Variants in ZNF43 observed in about 807,000 individuals in gnomAD.
ZNF43 encodes the protein zinc finger protein 39-like 1 (KOX 27).
In ZNF43, 44 loss-of-function variants were observed where a neutral mutation model predicts 68.4. That is an observed-to-expected ratio of 0.64 (90% CI 0.51 to 0.83). The LOEUF (loss-of-function observed/expected upper bound fraction) is 0.83, where lower values mean the gene tolerates loss of function less well. Among genes scored for constraint, ZNF43 ranks in the 40% least tolerant of loss-of-function variants. The probability of loss-of-function intolerance (pLI) is 0.00; values close to 1 mark genes in which losing one functional copy is unlikely to be tolerated. For missense variants in ZNF43, 896 were observed against 933.2 expected, an observed-to-expected ratio of 0.96 and a Z score of 0.52; for synonymous variants, 308 against 307.8, an observed-to-expected ratio of 1.00 and a Z score of -0.01.
At chr19:21,837,691 G>A (rs902142671), upstream of ZNF43, among the ~76,000 whole-genome samples, 15 of 151,916 alleles carry the variant, frequency 9.9e-5, no homozygotes, top group African/African-American at 3.6e-4. Flanking sequence ...TAGAGACAGG[G>A]TTTCACCCTG....
At chr19:21,851,321 AGTT>A (rs1968337627) in intron 1 of ZNF43, 1 of 152,058 alleles carries the variant, frequency 6.6e-6, no homozygotes, top group South Asian at 2.1e-4. Flanking sequence ...TGAGGTCTGG[AGTT>A]CGAGATCAGC....
At chr19:21,835,355 GT>G (rs554756455) in intron 1 of ZNF43, among the ~76,000 whole-genome samples, 8,332 of 119,542 alleles carry the variant, frequency 0.07, 796 homozygotes, top group African/African-American at 0.25. Flanking sequence ...ATCTAGTTTA[GT>G]TTTTTTTTTT....
intron 1 of ZNF43, chr19:21,843,324 C>T (rs1207754874): frequency 1.0e-6 from 1 of 979,984 alleles, no homozygotes; most frequent in African/African-American, 1.8e-5. Flanking sequence ...GTCACAATCA[C>T]ACCTGCAGAA....
chr19:21,807,301 T>G lies in ZNF43; in HGVS notation c.*306A>C. On this transcript the variant is annotated 3_prime_UTR_variant, in exon 4 of 4. Coordinates refer to ENST00000354959, the MANE Select transcript of ZNF43 (RefSeq NM_003423.4). ...TCTTCTTCACTTTAAAGGCTTTTAT[T>G]TTCTGAAAGATCTTTTGACACTAGT... The G allele has an allele frequency of 4.9e-6, 1 of 202,584 alleles. No homozygotes were observed. Among genetic ancestry groups the G allele is most frequent in the Non-Finnish European group, 9.9e-6 (1 of 100,908 alleles). The allele number at this position is 202,584 out of a possible 1,614,324, so 12.5% of individuals were successfully genotyped here. A position where few individuals can be genotyped will look rare whatever the true frequency, so the allele number is the denominator to read the frequency against.
rs74174043 is a variant in ZNF43 at position 21,821,138 on chromosome 19, ATTTTTTTTTTTTTTTTT to A, written c.4-1934_4-1918del. On this transcript the variant is annotated intron_variant, in intron 1 of 3. Transcript: ENST00000354959. ...GCATGAGCCACCACACCCGGCTGTA[ATTTTTTTTTTTTTTTTT>A]TTTTTTTAAGATGGAGTCTCGCTCA... is the stretch of plus-strand genomic sequence containing the variant. 5.9e-5 allele frequency among the ~76,000 whole-genome samples: 7 copies of A among 118,560 alleles called. No individual in the cohort carries two copies. The South Asian group carries it at 7.8e-4, about 13-fold the overall frequency. 77.8% of individuals were successfully genotyped at this position (118,560 alleles called of 152,430 possible).
At chr19:21,816,372 A>C (rs2037529649) in intron 3 of ZNF43, among the ~76,000 whole-genome samples, 2 of 152,160 alleles carry the variant, frequency 1.3e-5, no homozygotes, top group Non-Finnish European at 2.9e-5. Flanking sequence ...AGATCCAGGC[A>C]GGCAGTTGTA....
At chr19:21,828,654 T>C (rs533897707) in intron 1 of ZNF43, among the ~76,000 whole-genome samples, 2 of 150,600 alleles carry the variant, frequency 1.3e-5, no homozygotes, top group African/African-American at 2.4e-5. Flanking sequence ...TAGGCGGAGG[T>C]TGCAGTAAGC....
rs58951070 is a variant in ZNF43 at position 21,815,486 on chromosome 19, C to CATATATATATATATATATATATATAT, written c.229+2401_229+2402insATATATATATATATATATATATATAT. On this transcript the variant is annotated intron_variant, in intron 3 of 3. Transcript: ENST00000354959. ...AAAGAATAGCCTTACAACTAAATTA[C>CATATATATATATATATATATATATAT]ATATATATATATATATATATATTTT... Among the ~76,000 whole-genome samples the CATATATATATATATATATATATATAT allele has an allele frequency of 4.2e-3, 586 of 139,290 alleles. 8 individuals carry two copies. The highest frequency in any genetic ancestry group is 0.017 in the East Asian group (80 of 4,618). 91.4% of individuals were successfully genotyped at this position (139,290 alleles called of 152,430 possible).
At chr19:21,818,986 A>G in intron 2 of ZNF43, 109 bp downstream of exon 2, 1 of 1,440,298 alleles carries the variant, frequency 6.9e-7, no homozygotes, top group Non-Finnish European at 9.3e-7. Flanking sequence ...GAAAACAGGA[A>G]TCTGAAACTC....
chr19:21,827,279 T>C (rs542707921), intron 1 of ZNF43: 27 of 152,274 alleles, frequency 1.8e-4, no homozygotes, highest in African/African-American at 6.0e-4. Flanking sequence ...CATGCACCTT[T>C]TGATGAAGAA....
chr19:21,836,345 T>TGAC (rs1409369508), upstream of ZNF43: 6 of 1,030,064 alleles, frequency 5.8e-6, no homozygotes, highest in African/African-American at 8.3e-5. Flanking sequence ...GAAGAAAGAA[T>TGAC]GACAGCCTAG....
intron 1 of ZNF43, among the ~76,000 whole-genome samples, chr19:21,823,587 T>C (rs2037959001): frequency 6.7e-6 from 1 of 148,944 alleles, no homozygotes; most frequent in African/African-American, 2.5e-5. Flanking sequence ...TTTTTTTTTT[T>C]TTTTTTTCGT....
intron 3 of ZNF43, among the ~76,000 whole-genome samples, chr19:21,811,807 T>C (rs1346183590): frequency 6.6e-6 from 1 of 152,112 alleles, no homozygotes; most frequent in Non-Finnish European, 1.5e-5. Context: ...CCAACACTAA[T>C]AAAATAAAGT....
In ZNF43 at chr19:21,829,728, T is replaced by TG. The variant is rs2038330047; in HGVS notation, c.3+6307dup. On this transcript the variant is annotated intron_variant, in intron 1 of 3. Transcript: ENST00000354959. ...TTTTCAGGTAGGATAATAAAGCCTC[T>TG]GATTTATATTTTCTTTTACAACAGC... Among the ~76,000 whole-genome samples the TG allele has an allele frequency of 2.0e-5, 3 of 152,232 alleles. No homozygotes were observed. The South Asian group carries it at 6.2e-4, about 31-fold the overall frequency.
rs1322580462 is a variant in ZNF43 at position 21,817,953 on chromosome 19, C to G, written c.164G>C (p.Cys55Ser). The change falls in exon 3 of 4, where the codon TGT (cysteine) becomes TCT (serine). Residue 55 changes from cysteine (C) to serine (S), a missense_variant. By Grantham distance (112) the Cys-to-Ser change is moderately radical. Coordinates refer to ENST00000354959, the MANE Select transcript of ZNF43 (RefSeq NM_003423.4). ...CCAAGGCTCTTTTTCTTGCTCCAGA[C>G]AGGTGATCAGGTCTGGCTTAGAGAC... ...IAVSKPDLIT[C>S]LEQEKEPWEP... The G allele has an allele frequency of 6.2e-7, 1 of 1,613,312 alleles. No individual in the cohort carries two copies. The highest frequency in any genetic ancestry group is 8.5e-7 in the Non-Finnish European group (1 of 1,179,592).
chr19:21,812,000 C>T (rs2037297027), intron 3 of ZNF43: 2 of 398,548 alleles, frequency 5.0e-6, no homozygotes, highest in African/African-American at 2.1e-5. Context: ...TTTAACTACA[C>T]TATACCTCGA....
At chr19:21,835,975 G>A in intron 1 of ZNF43, 61 bp downstream of exon 1, 1 of 1,611,714 alleles carries the variant, frequency 6.2e-7, no homozygotes, top group South Asian at 1.1e-5. Context: ...CTGACTGCGG[G>A]AAGGCCTGAG....
At chr19:21,830,022 TG>T (rs2038344540) in intron 1 of ZNF43, among the ~76,000 whole-genome samples, 1 of 151,892 alleles carries the variant, frequency 6.6e-6, no homozygotes, top group African/African-American at 2.4e-5. Flanking sequence ...GAGGCCGAGG[TG>T]GGCAGATCAC....
At chr19:21,832,163 A>G (rs933593074) in intron 1 of ZNF43, among the ~76,000 whole-genome samples, 1 of 152,232 alleles carries the variant, frequency 6.6e-6, no homozygotes, top group Non-Finnish European at 1.5e-5. Context: ...CCAAAGCAGC[A>G]TGGTACTGTT....
Sources: allele counts gnomAD v4.1 joint callset (sites outside exome capture counted in the v4.1 genomes callset), GRCh38; gene constraint gnomAD v4.1.1; transcripts MANE v1.5; gene names NCBI Gene and HGNC (gene_info 2026-07-23, HGNC 2026-07-21).